The following DHX35 variants were observed in gnomAD, a reference collection of about 807,000 sequenced individuals.
DHX35 encodes the protein DEAH-box helicase 35, also known as probable ATP-dependent RNA helicase DHX35.
In DHX35, 84 loss-of-function variants were observed where a neutral mutation model predicts 99.6. That is an observed-to-expected ratio of 0.84 (90% confidence interval 0.71 to 1.01). The LOEUF (loss-of-function observed/expected upper bound fraction) is 1.01, where lower values mean the gene tolerates loss of function less well. DHX35 is among the 50% of genes least tolerant of loss of function. DHX35 has a pLI of 0.00. For synonymous variants in DHX35, 331 were observed against 316.2 expected (o/e 1.05, Z -0.50); for missense variants, 852 against 888.5 (o/e 0.96, Z 0.52).
intron 18 of DHX35, among the ~76,000 whole-genome samples, chr20:39,026,496 G>A (rs1035057241): frequency 4.6e-5 from 7 of 152,154 alleles, no homozygotes; most frequent in Non-Finnish European, 4.4e-5. Context: ...AGTCCTCTTC[G>A]AAGTTAAAGT....
rs569818872 is a variant in DHX35, at chr20:38,983,785, C to G, written c.345+9C>G. ...GAGTGGCTGCTGTTACAGTGAGTTT[C>G]TTTTTGTGTTGGAAAGATTCTATCT... On this transcript the variant is annotated intron_variant, in intron 4 of 21. Coordinates refer to ENST00000252011, the MANE Select transcript of DHX35 (RefSeq NM_021931.4). 3 of 1,610,856 alleles carry G rather than the reference C, an allele frequency of 1.9e-6. No homozygotes were observed. The highest frequency in any genetic ancestry group is 2.2e-5 in the South Asian group (2 of 90,750).
intron 6 of DHX35, among the ~76,000 whole-genome samples, 187 bp downstream of exon 6, chr20:38,991,702 C>A (rs1437676889): frequency 2.6e-5 from 4 of 152,156 alleles, no homozygotes; most frequent in African/African-American, 7.2e-5. Flanking sequence ...TTTACAGACA[C>A]TCAAAAATGG....
intron 4 of DHX35, among the ~76,000 whole-genome samples, chr20:38,987,906 A>T (rs1037300227): frequency 5.3e-5 from 8 of 152,156 alleles, no homozygotes; most frequent in African/African-American, 1.9e-4. Flanking sequence ...CACAGTTGTG[A>T]ACTGTTTCAG....
At chr20:38,969,331 C>T in intron 2 of DHX35, 117 bp downstream of exon 2, 2 of 1,243,486 alleles carry the variant, frequency 1.6e-6, no homozygotes, top group Non-Finnish European at 2.1e-6. Flanking sequence ...CTCAGAGAAA[C>T]CCTTACTGTA....
chr20:39,030,690 T>G lies in DHX35; in HGVS notation c.1884-14T>G, dbSNP rs747410724. 6.2e-7 allele frequency: 1 copy of G among 1,613,470 alleles called. No individual in the cohort carries two copies. The highest frequency in any genetic ancestry group is 8.5e-7 in the Non-Finnish European group (1 of 1,179,780). On this transcript the variant is annotated splice_polypyrimidine_tract_variant and intron_variant, in intron 19 of 21. Coordinates refer to ENST00000252011, the MANE Select transcript of DHX35 (RefSeq NM_021931.4). ...TTAAAATGTGCTTCAGACAAAATTC[T>G]TCTATGTTCCAAGGACCATCCGTGA... is the stretch of plus-strand genomic sequence containing the variant.
chr20:39,022,934 A>G (rs2086896375), intron 16 of DHX35, among the ~76,000 whole-genome samples: 1 of 152,206 alleles, frequency 6.6e-6, no homozygotes, highest in South Asian at 2.1e-4. Flanking sequence ...TTATGCATGG[A>G]GGGGCTGAAT....
At chr20:38,981,715 G>A (rs1419011505) in intron 3 of DHX35, among the ~76,000 whole-genome samples, 3 of 151,976 alleles carry the variant, frequency 2.0e-5, no homozygotes, top group African/African-American at 7.2e-5. Flanking sequence ...GGCCAAAGTG[G>A]GTGGATCACC....
At chr20:39,025,483 A>G (rs1297679898) in intron 18 of DHX35, 124 bp downstream of exon 18, 6 of 1,172,990 alleles carry the variant, frequency 5.1e-6, no homozygotes, top group African/African-American at 3.1e-5. Flanking sequence ...ACTGGGTTTT[A>G]TATTTTGAGT....
chr20:39,006,208 C>A lies in DHX35; in HGVS notation c.1074C>A (p.Ile358=). ...SITISGIVYV[I]DCGFVKLRAY... ...CAATCAGCGGCATTGTGTATGTGAT[C>A]GACTGTGGCTTTGTGAAACTCCGAG... The change falls in exon 12 of 22, where the codon ATC becomes ATA. Residue 358 remains isoleucine (I), a synonymous_variant. Transcript: ENST00000252011. The A allele has an allele frequency of 6.2e-7, 1 of 1,614,096 alleles. No individual in the cohort carries two copies. Among genetic ancestry groups the A allele is most frequent in the South Asian group, 1.1e-5 (1 of 91,060 alleles).
chr20:39,013,220 A>G (rs1260355877), intron 13 of DHX35, among the ~76,000 whole-genome samples: 1 of 152,210 alleles, frequency 6.6e-6, no homozygotes, highest in African/African-American at 2.4e-5. Context: ...TACAGAGTAC[A>G]TATAATTTTG....
intron 5 of DHX35, among the ~76,000 whole-genome samples, chr20:38,991,066 A>G (rs2145873920): frequency 6.6e-6 from 1 of 152,324 alleles, no homozygotes; most frequent in East Asian, 1.9e-4. Context: ...AAGAACTGCA[A>G]TCTATAGTCT....
intron 12 of DHX35, among the ~76,000 whole-genome samples, chr20:39,006,950 T>C (rs1417297079): frequency 6.6e-6 from 1 of 152,324 alleles, no homozygotes; most frequent in East Asian, 1.9e-4. Flanking sequence ...GCCTTACCTA[T>C]AGACAGTGAT....
chr20:38,993,289 G>A (rs1037969089), intron 7 of DHX35, among the ~76,000 whole-genome samples: 3 of 152,210 alleles, frequency 2.0e-5, no homozygotes, highest in Non-Finnish European at 4.4e-5. Flanking sequence ...TGAGATAAAA[G>A]TTAATTAAAA....
chr20:39,003,264 G>A (rs1483891642), intron 10 of DHX35, among the ~76,000 whole-genome samples: 9 of 152,210 alleles, frequency 5.9e-5, no homozygotes, highest in Admixed American at 5.9e-4. Flanking sequence ...CCATATTACT[G>A]GTAAAACAAC....
At chr20:39,006,404 T>A in intron 12 of DHX35, 48 bp downstream of exon 12, 4 of 1,593,062 alleles carry the variant, frequency 2.5e-6, no homozygotes, top group Non-Finnish European at 1.7e-6. Context: ...ATAGTCAGCC[T>A]GGGCAACAGA....
At chr20:38,967,522 G>A (rs891187217) in intron 1 of DHX35, among the ~76,000 whole-genome samples, 17 of 152,156 alleles carry the variant, frequency 1.1e-4, no homozygotes, top group African/African-American at 4.1e-4. Context: ...ATTACTCCTA[G>A]TTCTGTCCTA....
intron 4 of DHX35, among the ~76,000 whole-genome samples, chr20:38,986,777 T>C (rs1475984170): frequency 1.3e-5 from 2 of 152,256 alleles, no homozygotes; most frequent in Non-Finnish European, 2.9e-5. Context: ...TCTGGTTTCA[T>C]AAGACGTTTT....
rs2086290454 is a variant in DHX35 at position 38,988,887 on chromosome 20, C to T, written c.420C>T (p.Asp140=). ...HEVGYCIRFD[D]CTDQLATRIK... ...TGGGCTACTGCATCCGCTTTGATGA[C>T]TGCACCGACCAGCTGGCCACGAGAA... is the stretch of plus-strand genomic sequence containing the variant. The change falls in exon 5 of 22, where the codon GAC becomes GAT. Residue 140 remains aspartate, a synonymous_variant. Transcript: ENST00000252011. 1 of 1,613,412 alleles carries T rather than the reference C, an allele frequency of 6.2e-7. No individual in the cohort carries two copies. Among genetic ancestry groups the T allele is most frequent in the African/African-American group, 1.3e-5 (1 of 74,868 alleles).
chr20:39,027,466 A>G (rs973776046), intron 18 of DHX35, among the ~76,000 whole-genome samples: 2 of 152,346 alleles, frequency 1.3e-5, no homozygotes, highest in South Asian at 2.1e-4. Flanking sequence ...AAAAATTCAC[A>G]AAAGAAGAAA....
Sources: allele counts gnomAD v4.1 joint callset (sites outside exome capture counted in the v4.1 genomes callset), GRCh38; gene constraint gnomAD v4.1.1; transcripts MANE v1.5; gene names NCBI Gene and HGNC (gene_info 2026-07-23, HGNC 2026-07-21).